The following GLIPR1L2 variants were observed in gnomAD, a reference collection of about 807,000 sequenced individuals.
GLIPR1L2 encodes the protein GLIPR1-like protein 2.
A neutral mutation model predicts 28.4 loss-of-function variants in GLIPR1L2; 21 were observed. That is an observed-to-expected ratio of 0.74 (90% confidence interval 0.52 to 1.06). GLIPR1L2 has a LOEUF of 1.06. Among genes scored for constraint, GLIPR1L2 ranks in the 50% least tolerant of loss-of-function variants. The pLI is 0.00. For synonymous variants in GLIPR1L2, 145 were observed against 139.3 expected, an observed-to-expected ratio of 1.04 and a Z score of -0.29; for missense variants, 476 against 416.9, an observed-to-expected ratio of 1.14 and a Z score of -1.23.
chr12:75,423,734 C>G (rs2046003656), intron 4 of GLIPR1L2: 1 of 152,700 alleles, frequency 6.5e-6, no homozygotes. Flanking sequence ...GACCCCCTGA[C>G]AGGCCCCAGT....
chr12:75,413,417 A>G (rs1283578198), intron 2 of GLIPR1L2, among the ~76,000 whole-genome samples, 181 bp from the exon 3 acceptor site: 1 of 152,004 alleles, frequency 6.6e-6, no homozygotes, highest in Non-Finnish European at 1.5e-5. Flanking sequence ...ATCTAAATAT[A>G]GTGTTGAAAA....
intron 1 of GLIPR1L2, among the ~76,000 whole-genome samples, chr12:75,409,796 T>C (rs2045845701): frequency 1.4e-5 from 2 of 147,066 alleles, no homozygotes; most frequent in South Asian, 4.2e-4. Context: ...ATATATAAGA[T>C]GTATATCTAA....
chr12:75,397,973 C>A (rs1186084416), intron 1 of GLIPR1L2, among the ~76,000 whole-genome samples: 1 of 151,248 alleles, frequency 6.6e-6, no homozygotes, highest in Non-Finnish European at 1.5e-5. Flanking sequence ...TAACTTTTCT[C>A]TTCATTTCTG....
intron 2 of GLIPR1L2, among the ~76,000 whole-genome samples, chr12:75,413,281 C>T (rs906794547): frequency 6.6e-6 from 1 of 151,246 alleles, no homozygotes; most frequent in Non-Finnish European, 1.5e-5. Flanking sequence ...ACCAACATGG[C>T]ACATGTATAC....
At chr12:75,424,809 C>A (rs1306967142) in intron 4 of GLIPR1L2, among the ~76,000 whole-genome samples, 1 of 152,144 alleles carries the variant, frequency 6.6e-6, no homozygotes, top group Non-Finnish European at 1.5e-5. Context: ...CCTAACATTT[C>A]TGCTCTTGCT....
intron 5 of GLIPR1L2, 37 bp from the exon 6 acceptor site, chr12:75,430,787 T>C (rs2046083680): frequency 6.5e-7 from 1 of 1,533,058 alleles, no homozygotes. Context: ...AACTGCTTTA[T>C]ATGAAATCCA....
chr12:75,425,793 CA>C (rs1182216346), intron 4 of GLIPR1L2, among the ~76,000 whole-genome samples: 3 of 151,282 alleles, frequency 2.0e-5, no homozygotes, highest in African/African-American at 7.3e-5. Context: ...GGGGATTGAT[CA>C]AAAAAATAAA....
intron 1 of GLIPR1L2, among the ~76,000 whole-genome samples, chr12:75,405,043 A>G (rs769332690): frequency 2.0e-5 from 3 of 152,218 alleles, no homozygotes; most frequent in Non-Finnish European, 4.4e-5. Context: ...TTGCTAGTCT[A>G]CTATAGAATG....
chr12:75,423,799 T>C (rs1357908956), intron 4 of GLIPR1L2: 2 of 152,220 alleles, frequency 1.3e-5, no homozygotes, highest in African/African-American at 2.4e-5. Context: ...CTCCCACTTA[T>C]GAGTGAGAAC....
intron 3 of GLIPR1L2, among the ~76,000 whole-genome samples, chr12:75,422,457 C>A (rs1043491943): frequency 6.6e-6 from 1 of 152,046 alleles, no homozygotes; most frequent in South Asian, 2.1e-4. Flanking sequence ...CACCTGCCAC[C>A]GCACCTGGCT....
chr12:75,401,596 G>T (rs969950668), intron 1 of GLIPR1L2, among the ~76,000 whole-genome samples: 6 of 151,890 alleles, frequency 4.0e-5, no homozygotes, highest in Non-Finnish European at 8.8e-5. Flanking sequence ...GTCAATAAGG[G>T]ATTCTAATAT....
In GLIPR1L2 at chr12:75,391,614, A is replaced by G. The variant is rs1457953205; in HGVS notation, c.234+264A>G. ...AAGTGCAGATTTTAAGGGGGCGCCAATTCAAGAAAATGATATTTTAATGCA... is the reference window on the plus strand; with the variant it reads ...AAGTGCAGATTTTAAGGGGGCGCCAGTTCAAGAAAATGATATTTTAATGCA... On this transcript the variant is annotated intron_variant, in intron 1 of 5. Coordinates refer to ENST00000550916, the MANE Select transcript of GLIPR1L2 (RefSeq NM_001270396.2). The G allele has an allele frequency of 1.0e-5, 11 of 1,063,978 alleles. No individual in the cohort carries two copies. In the East Asian group the frequency reaches 3.1e-4, roughly 30 times the overall value. The allele number at this position is 1,063,978 out of a possible 1,614,324, so 65.9% of individuals were successfully genotyped here.
At chr12:75,419,024 G>A (rs369727536) in intron 3 of GLIPR1L2, among the ~76,000 whole-genome samples, 3 of 152,166 alleles carry the variant, frequency 2.0e-5, no homozygotes, top group Admixed American at 1.3e-4. Flanking sequence ...GGTGGGGTGC[G>A]AGGGGAGGGA....
At chr12:75,399,815 G>A (rs959357586) in intron 1 of GLIPR1L2, among the ~76,000 whole-genome samples, 6 of 152,154 alleles carry the variant, frequency 3.9e-5, no homozygotes, top group Admixed American at 3.3e-4. Flanking sequence ...ATGTACTACT[G>A]GTGTGAAAGC....
At position 75,431,214 on chromosome 12, in the gene GLIPR1L2, T is replaced by C. The variant is rs2046090036; in HGVS notation, c.*53T>C. ...TCACCAATATAAACCAAAAGTGTAATACAAAAAAAGACAGAAAAAAAAAAA... is the reference window on the plus strand; with the variant it reads ...TCACCAATATAAACCAAAAGTGTAACACAAAAAAAGACAGAAAAAAAAAAA... On this transcript the variant is annotated 3_prime_UTR_variant, in exon 6 of 6. Coordinates refer to ENST00000550916, the MANE Select transcript of GLIPR1L2 (RefSeq NM_001270396.2). The C allele has an allele frequency of 1.2e-5, 6 of 520,670 alleles. No individual in the cohort carries two copies. Among genetic ancestry groups the C allele is most frequent in the African/African-American group, 4.2e-5 (2 of 47,114 alleles). 32.3% of individuals were successfully genotyped at this position (520,670 alleles called of 1,614,324 possible).
At chr12:75,401,917 AAGAATGAG>A (rs1215620882) in intron 1 of GLIPR1L2, among the ~76,000 whole-genome samples, 4 of 152,156 alleles carry the variant, frequency 2.6e-5, no homozygotes, top group African/African-American at 9.6e-5. Context: ...AAAAGAAACA[AAGAATGAG>A]AGAATAGCTG....
chr12:75,423,515 C>T, intron 4 of GLIPR1L2: 2 of 768,108 alleles, frequency 2.6e-6, no homozygotes, highest in South Asian at 1.2e-4. Context: ...ATATACAATG[C>T]TTAGAGGAAT....
At chr12:75,406,923 C>A (rs2045808309) in intron 1 of GLIPR1L2, among the ~76,000 whole-genome samples, 1 of 152,022 alleles carries the variant, frequency 6.6e-6, no homozygotes, top group Non-Finnish European at 1.5e-5. Flanking sequence ...GCCTGCATCA[C>A]CCAGTTTTCA....
At chr12:75,429,180 G>A (rs1026067599) in intron 4 of GLIPR1L2, among the ~76,000 whole-genome samples, 1 of 152,238 alleles carries the variant, frequency 6.6e-6, no homozygotes, top group South Asian at 2.1e-4. Context: ...TGTGAAAGCA[G>A]CCACAGGGCC....
Sources: gnomAD v4.1 joint callset for allele counts (sites outside exome capture counted in the v4.1 genomes callset) on GRCh38, gnomAD v4.1.1 for gene constraint, MANE v1.5 for transcripts, NCBI Gene and HGNC (gene_info 2026-07-23, HGNC 2026-07-21) for gene names.